TMPRSS9: variants seen among roughly 807,000 people sequenced by gnomAD.
TMPRSS9 encodes the protein transmembrane protease serine 9.
In TMPRSS9, 113 loss-of-function variants were observed where a neutral mutation model predicts 111.4. The observed-to-expected ratio is 1.01, with a 90% CI of 0.87 to 1.19. The LOEUF (loss-of-function observed/expected upper bound fraction) is 1.19. TMPRSS9 is among the 50% of genes most tolerant of loss of function. The pLI, the probability that TMPRSS9 is intolerant of heterozygous loss-of-function variation, is 0.00. For missense variants in TMPRSS9, 1,803 were observed against 1,513.1 expected, an observed-to-expected ratio of 1.19 and a Z score of -3.18; for synonymous variants, 805 against 659.1, an observed-to-expected ratio of 1.22 and a Z score of -3.39.
intron 14 of TMPRSS9, 81 bp from the exon 16 acceptor site, chr19:2,423,999 AGGGGGATTC>A: frequency 8.1e-7 from 1 of 1,227,742 alleles, no homozygotes; most frequent in East Asian, 3.2e-5. Flanking sequence ...TGGGGCTCCC[AGGGGGATTC>A]GTGGAGAGGC....
At chr19:2,393,192 T>G (rs1351788501) in intron 1 of TMPRSS9, among the ~76,000 whole-genome samples, 1 of 152,126 alleles carries the variant, frequency 6.6e-6, no homozygotes, top group Non-Finnish European at 1.5e-5. Context: ...GAGGATTTGT[T>G]TTTTAATTCT....
At chr19:2,375,444 T>C (rs1461274396) in intron 1 of TMPRSS9, among the ~76,000 whole-genome samples, 1 of 144,970 alleles carries the variant, frequency 6.9e-6, no homozygotes, top group African/African-American at 2.7e-5. Context: ...GCACTGTGAT[T>C]GCCAGGTCAG....
rs140203995 is a variant in TMPRSS9 at position 2,416,795 on chromosome 19, C to T, written c.2003C>T (p.Thr668Met). 5.7e-5 allele frequency: 92 copies of T among 1,609,614 alleles called. No homozygotes were observed. Among genetic ancestry groups the T allele is most frequent in the African/African-American group, 2.7e-4 (20 of 74,908 alleles). ...TGCATGATCTCCGGATGGGGAAATA[C>T]GCAGGAAGGAAATGGTGAGCGCTGC... The change falls in exon 12 of 18, where the codon ACG becomes ATG. Residue 668 changes from threonine to methionine, a missense_variant. Thr to Met is a moderately conservative substitution (Grantham distance 81). Transcript: ENST00000648592.
At chr19:2,402,267 A>C (rs1970865397) in intron 5 of TMPRSS9, among the ~76,000 whole-genome samples, 1 of 151,912 alleles carries the variant, frequency 6.6e-6, no homozygotes, top group South Asian at 2.1e-4. Flanking sequence ...ATAATTTTTA[A>C]AATTATTATA....
chr19:2,366,085 G>C (rs998175415), intron 1 of TMPRSS9, among the ~76,000 whole-genome samples: 1 of 152,164 alleles, frequency 6.6e-6, no homozygotes, highest in African/African-American at 2.4e-5. Context: ...GGAAAAAAAG[G>C]GAACCCCCTG....
At chr19:2,380,526 G>A (rs1035025977) in intron 1 of TMPRSS9, among the ~76,000 whole-genome samples, 2 of 148,672 alleles carry the variant, frequency 1.3e-5, no homozygotes, top group Non-Finnish European at 3.0e-5. Context: ...ACTTGAACCT[G>A]AGAGGCAGAG....
intron 9 of TMPRSS9, among the ~76,000 whole-genome samples, chr19:2,413,484 G>A (rs141668683): frequency 6.6e-6 from 1 of 152,318 alleles, no homozygotes; most frequent in African/African-American, 2.4e-5. Context: ...ACATCTTAGA[G>A]ATCCTATAGT....
At chr19:2,426,065 A>G in exon 18 of TMPRSS9, 4 of 1,609,192 alleles carry the variant, frequency 2.5e-6, no homozygotes, top group Non-Finnish European at 3.4e-6. Context: ...GAGAGGCTGG[A>G]TAGGACAGCA....
At chr19:2,385,756 CAGG>C (rs1021050562), upstream of TMPRSS9, among the ~76,000 whole-genome samples, 4 of 152,018 alleles carry the variant, frequency 2.6e-5, no homozygotes, top group African/African-American at 7.2e-5. Flanking sequence ...GAATCTAAGG[CAGG>C]AGGATCGTTT....
intron 1 of TMPRSS9, among the ~76,000 whole-genome samples, chr19:2,370,931 C>T (rs1021924664): frequency 6.6e-6 from 1 of 152,070 alleles, no homozygotes; most frequent in Non-Finnish European, 1.5e-5. Context: ...CACTGTACTT[C>T]AGCCTGGGTG....
chr19:2,421,880 C>A lies in TMPRSS9; in HGVS notation c.2181C>A (p.Cys727Ter). ...GTGACTCTGGGGGCCCCCTGGCCTG[C>A]GAGGAGGCCCCTGGCGTGTTTTATC... The change falls in exon 14 of 18, where the codon TGC becomes TGA. Residue 727 changes from cysteine to a stop codon, truncating the protein, a stop_gained. Transcript: ENST00000648592. LOFTEE classifies it high-confidence loss of function. 1 of 1,608,930 alleles carries A rather than the reference C, an allele frequency of 6.2e-7. No individual in the cohort carries two copies. The highest frequency in any genetic ancestry group is 2.2e-5 in the East Asian group (1 of 44,768).
chr19:2,418,396 T>TCCCTTTCCTTCCCTCCCTCC, intron 13 of TMPRSS9, among the ~76,000 whole-genome samples: 1 of 14,294 alleles, frequency 7.0e-5, no homozygotes, highest in Non-Finnish European at 1.3e-4. Context: ...CTTCCCTCCC[T>TCCCTTTCCTTCCCTCCCTCC]GGCCTTTCCT....
At chr19:2,384,579 G>A (rs375060561) in intron 1 of TMPRSS9, among the ~76,000 whole-genome samples, 50 of 152,136 alleles carry the variant, frequency 3.3e-4, no homozygotes, top group African/African-American at 1.2e-3. Context: ...ACTTTGGGAG[G>A]CCAAGGCGGG....
intron 17 of TMPRSS9, chr19:2,425,708 A>T: frequency 8.4e-7 from 1 of 1,189,576 alleles, no homozygotes; most frequent in Non-Finnish European, 1.1e-6. Context: ...TCGGCGGCAG[A>T]GCAGGCAGAG....
chr19:2,397,942 G>T (rs918468236), intron 2 of TMPRSS9, among the ~76,000 whole-genome samples: 2 of 127,376 alleles, frequency 1.6e-5, no homozygotes, highest in African/African-American at 6.0e-5. Flanking sequence ...TTAAAAATAG[G>T]CTGGGCGTGG....
intron 1 of TMPRSS9, among the ~76,000 whole-genome samples, chr19:2,366,524 G>A (rs909598953): frequency 6.6e-6 from 1 of 152,164 alleles, no homozygotes; most frequent in African/African-American, 2.4e-5. Flanking sequence ...ATTTATCTGG[G>A]TGGTTCTGGC....
rs1971231769 is a variant in TMPRSS9 at position 2,416,423 on chromosome 19, C to T, written c.1746-115C>T. On this transcript the variant is annotated intron_variant, in intron 11 of 17. Transcript: ENST00000648592. ...TGGAGCCGAAGGTCAGAGGATGGTC[C>T]TGGGGCCCAGGCAGCCCTGTGTGGC... The T allele has an allele frequency of 2.1e-6, 3 of 1,400,034 alleles. No individual in the cohort carries two copies. In the African/African-American group the frequency reaches 4.3e-5, roughly 20 times the overall value. 86.7% of individuals were successfully genotyped at this position (1,400,034 alleles called of 1,614,324 possible).
At chr19:2,365,411 G>A (rs1970240254) in intron 1 of TMPRSS9, among the ~76,000 whole-genome samples, 1 of 152,064 alleles carries the variant, frequency 6.6e-6, no homozygotes, top group Non-Finnish European at 1.5e-5. Context: ...ATGTTGGGGC[G>A]ATGGAGGAGG....
Position 2,382,868 on chromosome 19 carries a change from T to G in TMPRSS9, c.-25-6893T>G, listed in dbSNP as rs138983427. ...GATTTGGCTCATACCATTGAGGGGC[T>G]GCAGGTCTGGAATCTGCAGGGCAGG... On this transcript the variant is annotated intron_variant, in intron 1 of 17. Coordinates refer to the TMPRSS9 transcript ENST00000649857. Among the ~76,000 whole-genome samples, 90 of 152,246 alleles carry G rather than the reference T, an allele frequency of 5.9e-4. 1 individual carries two copies. Among genetic ancestry groups the G allele is most frequent in the African/African-American group, 2.1e-3 (87 of 41,560 alleles).
Sources: gnomAD v4.1 joint callset for allele counts (sites outside exome capture counted in the v4.1 genomes callset) on GRCh38, gnomAD v4.1.1 for gene constraint, MANE v1.5 for transcripts, NCBI Gene and HGNC (gene_info 2026-07-23, HGNC 2026-07-21) for gene names.